The following MRTFB variants were observed in gnomAD, a reference collection of about 807,000 sequenced individuals.
MRTFB encodes the protein myocardin-related transcription factor B.
In MRTFB, 29 loss-of-function variants were observed where a neutral mutation model predicts 104.2. That is an observed-to-expected ratio of 0.28 (90% CI 0.21 to 0.38). The LOEUF (loss-of-function observed/expected upper bound fraction) is 0.38, where lower values mean the gene tolerates loss of function less well. Ranked by LOEUF, MRTFB falls within the 10% of genes least tolerant of loss-of-function variation. The pLI is 1.00. For missense variants in MRTFB, 1,270 were observed against 1,341.6 expected (o/e 0.95, Z 0.83); for synonymous variants, 535 against 519.5 (o/e 1.03, Z -0.41).
At chr16:14,088,105 G>C (rs2034832404) in intron 2 of MRTFB, among the ~76,000 whole-genome samples, 2 of 152,142 alleles carry the variant, frequency 1.3e-5, no homozygotes, top group South Asian at 4.1e-4. Flanking sequence ...AGGATCTTTT[G>C]ATTGATTAGA....
Position 14,265,981 on chromosome 16 carries a change from T to C in MRTFB, c.*4537T>C, listed in dbSNP as rs926240899. ...TCTCTACGTGATGCTGTAAGGAATC[T>C]TGCTAATTTGGTAGGAAGAGGAAGC... On this transcript the variant is annotated 3_prime_UTR_variant, in exon 17 of 17. Coordinates refer to ENST00000571589, the MANE Select transcript of MRTFB (RefSeq NM_001308142.2). 1.3e-5 allele frequency: 2 copies of C among 152,252 alleles called. No homozygotes were observed. The highest frequency in any genetic ancestry group is 4.8e-5 in the African/African-American group (2 of 41,462). 9.4% of individuals were successfully genotyped at this position (152,252 alleles called of 1,614,324 possible). A position where few individuals can be genotyped will look rare whatever the true frequency, so the allele number is the denominator to read the frequency against.
chr16:14,221,778 C>CTTTT (rs34467645), intron 8 of MRTFB, among the ~76,000 whole-genome samples: 1 of 70,818 alleles, frequency 1.4e-5, no homozygotes. Context: ...TATTTCTTTC[C>CTTTT]TTTTTTTTTT....
intron 8 of MRTFB, among the ~76,000 whole-genome samples, chr16:14,221,995 G>A (rs12928905): frequency 0.75 from 113,289 of 151,908 alleles, 45,365 homozygotes; most frequent in Non-Finnish European, 0.89. Context: ...TGGCCATGCT[G>A]TCTTGAACTT....
the MRTFB span, among the ~76,000 whole-genome samples, chr16:14,038,919 T>C: frequency 1.8e-4 from 28 of 151,994 alleles, no homozygotes; most frequent in Admixed American, 1.8e-3. Context: ...GCAGGCAAGA[T>C]AGAATGAGAA....
At chr16:14,001,293 C>T in the MRTFB span, among the ~76,000 whole-genome samples, 175 of 152,318 alleles carry the variant, frequency 1.1e-3, no homozygotes, top group African/African-American at 3.8e-3. Flanking sequence ...AGGATGGAAC[C>T]GATACCATCA....
chr16:14,140,543 G>C lies in MRTFB; in HGVS notation c.-63-1G>C, dbSNP rs781247088. 577 of 1,571,984 alleles carry C rather than the reference G, an allele frequency of 3.7e-4. 1 individual carries two copies. Among genetic ancestry groups the C allele is most frequent in the Admixed American group, 6.4e-4 (36 of 56,404 alleles). ...TCTTTACACATTCTTTATTTTGGCA[G>C]TGTCTTCAATAGGCCGTGTTTAAGA... On this transcript the variant is annotated splice_acceptor_variant, in intron 2 of 16. Coordinates refer to ENST00000571589, the MANE Select transcript of MRTFB (RefSeq NM_001308142.2). LOFTEE classifies it low-confidence loss of function (5UTR_SPLICE).
At chr16:14,135,061 T>C (rs770218390) in intron 2 of MRTFB, among the ~76,000 whole-genome samples, 13 of 152,240 alleles carry the variant, frequency 8.5e-5, no homozygotes, top group Non-Finnish European at 1.6e-4. Context: ...ATGATTTGCC[T>C]GAAGTCAAAC....
intron 13 of MRTFB, among the ~76,000 whole-genome samples, chr16:14,251,584 G>C (rs955384279): frequency 1.3e-5 from 2 of 152,200 alleles, no homozygotes. Flanking sequence ...ACCCTGGCCT[G>C]TGGGCCAAAT....
In MRTFB at chr16:14,246,577, C is replaced by A; in HGVS notation, c.1317C>A (p.Ser439Arg). The A allele has an allele frequency of 6.2e-7, 1 of 1,614,140 alleles. No homozygotes were observed. The highest frequency in any genetic ancestry group is 8.5e-7 in the Non-Finnish European group (1 of 1,180,012). The change falls in exon 12 of 17, where the codon AGC (serine) becomes AGA (arginine). Residue 439 changes from serine to arginine, a missense_variant. Around this residue, in one of 3 missense-constraint regions of MRTFB, gnomAD observed 1,144 missense variants for 1,131.5 expected, o/e 1.01. Coordinates refer to ENST00000571589, the MANE Select transcript of MRTFB (RefSeq NM_001308142.2). ...RLKPYQEVNS[S>R]GLAAGGIVAV... ...AACCCTACCAGGAAGTGAACAGCAG[C>A]GGCCTTGCTGCTGGGGGCATCGTGG... is the stretch of plus-strand genomic sequence containing the variant.
the MRTFB span, among the ~76,000 whole-genome samples, chr16:14,023,430 A>G: frequency 1.3e-5 from 2 of 151,828 alleles, no homozygotes; most frequent in Admixed American, 6.6e-5. Context: ...GGGTGACAAA[A>G]TAAGATCCTG....
chr16:14,246,852 C>A lies in MRTFB; in HGVS notation c.1592C>A (p.Thr531Asn). The change falls in exon 12 of 17, where the codon ACC (threonine) becomes AAC (asparagine). Residue 531 changes from threonine (T) to asparagine (N), a missense_variant. Transcript: ENST00000571589. ...GCAGACACTTTCACCGAGATTATGA[C>A]CATGATGTCGCCTTCACAGTTCTTG... ...NMADTFTEIM[T>N]MMSPSQFLSS... 5.6e-6 allele frequency: 9 copies of A among 1,612,962 alleles called. No homozygotes were observed. The East Asian group carries it at 2.0e-4, about 36-fold the overall frequency.
chr16:14,062,458 G>A, the MRTFB span, among the ~76,000 whole-genome samples: 1 of 152,136 alleles, frequency 6.6e-6, no homozygotes, highest in Non-Finnish European at 1.5e-5. Flanking sequence ...TCCCATCACA[G>A]CTGTTGGGAA....
intron 2 of MRTFB, among the ~76,000 whole-genome samples, chr16:14,102,587 A>C (rs2035760687): frequency 6.6e-6 from 1 of 152,212 alleles, no homozygotes; most frequent in Non-Finnish European, 1.5e-5. Flanking sequence ...CACCCACCAC[A>C]TCTACGTTTA....
At chr16:14,145,100 A>G (rs2038242386) in intron 3 of MRTFB, among the ~76,000 whole-genome samples, 1 of 151,320 alleles carries the variant, frequency 6.6e-6, no homozygotes, top group Non-Finnish European at 1.5e-5. Context: ...GTATGTTCAC[A>G]TCAAGTAATA....
chr16:14,228,891 A>T (rs1409077693), intron 8 of MRTFB, among the ~76,000 whole-genome samples: 1 of 152,158 alleles, frequency 6.6e-6, no homozygotes, highest in Non-Finnish European at 1.5e-5. Flanking sequence ...GCAGAAAAGA[A>T]AATGATGATT....
intron 5 of MRTFB, among the ~76,000 whole-genome samples, chr16:14,212,715 G>T (rs1014077004): frequency 6.6e-6 from 1 of 152,100 alleles, no homozygotes; most frequent in African/African-American, 2.4e-5. Context: ...GGCATAAGAG[G>T]GGGTAATTCT....
the MRTFB span, among the ~76,000 whole-genome samples, chr16:14,035,501 G>A: frequency 6.6e-6 from 1 of 152,236 alleles, no homozygotes; most frequent in Middle Eastern, 3.4e-3. Context: ...ATAAAACTCA[G>A]ACCAATAAAA....
the MRTFB span, among the ~76,000 whole-genome samples, chr16:14,064,264 A>T: frequency 6.6e-6 from 1 of 152,136 alleles, no homozygotes; most frequent in Non-Finnish European, 1.5e-5. Context: ...TGTTGGCTGT[A>T]TACATGTCGT....
At chr16:14,189,019 T>C (rs1415964295) in intron 3 of MRTFB, among the ~76,000 whole-genome samples, 9 of 152,088 alleles carry the variant, frequency 5.9e-5, no homozygotes, top group Admixed American at 5.9e-4. Flanking sequence ...CTGAACTGGG[T>C]TTTGCTTTAT....
Sources: gnomAD v4.1 joint callset for allele counts (sites outside exome capture counted in the v4.1 genomes callset) on GRCh38, gnomAD v4.1.1 for gene constraint, gnomAD v4.1.1 regional missense constraint, MANE v1.5 for transcripts, NCBI Gene and HGNC (gene_info 2026-07-23, HGNC 2026-07-21) for gene names.